Variants in SUCLG2 observed in about 807,000 individuals in gnomAD.
The protein encoded by SUCLG2 is succinate--CoA ligase [GDP-forming] subunit beta, mitochondrial.
Under a neutral mutation model 47.9 loss-of-function variants are expected in SUCLG2, and 42 were observed. The observed-to-expected ratio is 0.88, with a 90% confidence interval of 0.69 to 1.14. The LOEUF is 1.14. Among genes scored for constraint, SUCLG2 ranks in the 50% most tolerant of loss-of-function variants. The probability of loss-of-function intolerance (pLI) is 0.00; values close to 1 mark genes in which losing one functional copy is unlikely to be tolerated. For synonymous variants in SUCLG2, 195 were observed against 197.3 expected, an observed-to-expected ratio of 0.99 and a Z score of 0.10; for missense variants, 571 against 525.9, an observed-to-expected ratio of 1.09 and a Z score of -0.84.
chr3:67,381,881 A>C (rs1381928633), intron 10 of SUCLG2, among the ~76,000 whole-genome samples: 1 of 152,210 alleles, frequency 6.6e-6, no homozygotes, highest in Non-Finnish European at 1.5e-5. Flanking sequence ...GGAGTAAGAG[A>C]GCTGTAAACA....
intron 2 of SUCLG2, among the ~76,000 whole-genome samples, chr3:67,554,388 A>G (rs1707101452): frequency 6.6e-6 from 1 of 152,168 alleles, no homozygotes; most frequent in Admixed American, 6.5e-5. Context: ...CCTTGATGTC[A>G]TGCAATAGAA....
intron 9 of SUCLG2, among the ~76,000 whole-genome samples, chr3:67,401,053 AC>A (rs1375125029): frequency 1.2e-4 from 18 of 152,320 alleles, no homozygotes; most frequent in Middle Eastern, 3.4e-3. Context: ...TCACAATATA[AC>A]ATTACCAAAT....
intron 1 of SUCLG2, among the ~76,000 whole-genome samples, chr3:67,612,350 C>T (rs1700542576): frequency 7.4e-6 from 1 of 135,612 alleles, no homozygotes; most frequent in African/African-American, 3.0e-5. Flanking sequence ...CAGAGTGAGA[C>T]TCAGTCTCAA....
At chr3:67,405,679 A>G (rs1386247115) in intron 9 of SUCLG2, among the ~76,000 whole-genome samples, 1 of 152,270 alleles carries the variant, frequency 6.6e-6, no homozygotes, top group East Asian at 1.9e-4. Flanking sequence ...TATTCAGGAG[A>G]GGGCTATGAG....
At chr3:67,619,651 G>A (rs1051212417) in intron 1 of SUCLG2, among the ~76,000 whole-genome samples, 1 of 152,164 alleles carries the variant, frequency 6.6e-6, no homozygotes, top group Non-Finnish European at 1.5e-5. Flanking sequence ...CAAAGATACT[G>A]CCTTGTTCTT....
At chr3:67,576,405 G>GA (rs910330734) in intron 2 of SUCLG2, among the ~76,000 whole-genome samples, 112 of 146,706 alleles carry the variant, frequency 7.6e-4, no homozygotes, top group Middle Eastern at 3.4e-3. Context: ...GTTTTAACAG[G>GA]AAAAAAAAAA....
intron 9 of SUCLG2, among the ~76,000 whole-genome samples, chr3:67,470,105 T>C (rs972192130): frequency 6.6e-6 from 1 of 151,812 alleles, no homozygotes; most frequent in Non-Finnish European, 1.5e-5. Context: ...AAACTTTACA[T>C]CTCATACAAT....
chr3:67,433,600 C>A (rs1364214447), intron 9 of SUCLG2, among the ~76,000 whole-genome samples: 1 of 151,958 alleles, frequency 6.6e-6, no homozygotes, highest in African/African-American at 2.4e-5. Flanking sequence ...CAGAGAACTG[C>A]GAAATGAGGT....
intron 2 of SUCLG2, among the ~76,000 whole-genome samples, chr3:67,537,819 C>T (rs1316602960): frequency 6.6e-6 from 1 of 152,130 alleles, no homozygotes; most frequent in Non-Finnish European, 1.5e-5. Flanking sequence ...CTCTAAAGAC[C>T]AGTGATGATA....
intron 2 of SUCLG2, among the ~76,000 whole-genome samples, chr3:67,551,116 G>A (rs571626520): frequency 3.3e-5 from 5 of 152,074 alleles, no homozygotes; most frequent in Non-Finnish European, 7.4e-5. Flanking sequence ...TGTATTTTTT[G>A]CAAGTATTCA....
At chr3:67,387,861 T>C (rs1200406440) in intron 10 of SUCLG2, among the ~76,000 whole-genome samples, 1 of 152,070 alleles carries the variant, frequency 6.6e-6, no homozygotes, top group African/African-American at 2.4e-5. Flanking sequence ...ATTAGTTAAT[T>C]AGTATATTAG....
intron 10 of SUCLG2, among the ~76,000 whole-genome samples, chr3:67,385,748 T>A (rs1702245483): frequency 6.6e-6 from 1 of 152,234 alleles, no homozygotes; most frequent in African/African-American, 2.4e-5. Flanking sequence ...ACTTCTTTTT[T>A]CTTTGGTGAT....
At chr3:67,511,371 T>C (rs1242606557) in intron 6 of SUCLG2, among the ~76,000 whole-genome samples, 1 of 152,212 alleles carries the variant, frequency 6.6e-6, no homozygotes, top group Non-Finnish European at 1.5e-5. Context: ...CCTTGAATTG[T>C]AATAATTCCC....
intron 2 of SUCLG2, among the ~76,000 whole-genome samples, chr3:67,575,680 G>A (rs1275718458): frequency 2.0e-5 from 3 of 152,172 alleles, no homozygotes; most frequent in Admixed American, 2.0e-4. Flanking sequence ...TACATAAACT[G>A]CATTTCTATA....
chr3:67,542,615 G>T (rs537796062), intron 2 of SUCLG2, among the ~76,000 whole-genome samples: 1 of 152,248 alleles, frequency 6.6e-6, no homozygotes, highest in Non-Finnish European at 1.5e-5. Context: ...TCAAAATAAA[G>T]GGATGGAGGA....
At chr3:67,383,500 T>A (rs1306032648) in intron 10 of SUCLG2, among the ~76,000 whole-genome samples, 1 of 152,170 alleles carries the variant, frequency 6.6e-6, no homozygotes, top group Non-Finnish European at 1.5e-5. Flanking sequence ...TATCCACACC[T>A]AATCTCCTCG....
chr3:67,589,347 C>A (rs567224973), intron 2 of SUCLG2, among the ~76,000 whole-genome samples: 1 of 152,302 alleles, frequency 6.6e-6, no homozygotes, highest in East Asian at 1.9e-4. Flanking sequence ...TTCGAAGCCG[C>A]TCCCAAGAGA....
intron 2 of SUCLG2, among the ~76,000 whole-genome samples, chr3:67,572,912 A>T (rs1707653055): frequency 6.6e-6 from 1 of 152,222 alleles, no homozygotes; most frequent in Admixed American, 6.5e-5. Context: ...TTCTGTATAG[A>T]GAAAATGTTA....
chr3:67,386,421 G>C (rs1205476072), intron 10 of SUCLG2, among the ~76,000 whole-genome samples: 1 of 152,120 alleles, frequency 6.6e-6, no homozygotes, highest in Non-Finnish European at 1.5e-5. Context: ...CTATACTCAA[G>C]CAGCCCCACT....
Sources: gnomAD v4.1 joint callset for allele counts (sites outside exome capture counted in the v4.1 genomes callset) on GRCh38, gnomAD v4.1.1 for gene constraint, MANE v1.5 for transcripts, NCBI Gene and HGNC (gene_info 2026-07-23, HGNC 2026-07-21) for gene names.